MTHFD1L: variants seen among roughly 807,000 people sequenced by gnomAD.
MTHFD1L encodes monofunctional C1-tetrahydrofolate synthase, mitochondrial.
MTHFD1L carries 81 observed loss-of-function variants against 119.5 expected under a neutral mutation model. The ratio of observed to expected loss-of-function variants is 0.68; its 90% confidence interval spans 0.57 to 0.82. MTHFD1L has a LOEUF of 0.82. Ranked by LOEUF, MTHFD1L falls within the 40% of genes least tolerant of loss-of-function variation. The pLI, the probability that MTHFD1L is intolerant of heterozygous loss-of-function variation, is 0.00. For synonymous variants in MTHFD1L, 430 were observed against 475.2 expected (o/e 0.90, Z 1.24); for missense variants, 1,125 against 1,253.4 (o/e 0.90, Z 1.55).
intron 20 of MTHFD1L, among the ~76,000 whole-genome samples, chr6:151,002,986 G>A (rs1014767994): frequency 6.6e-6 from 1 of 152,140 alleles, no homozygotes; most frequent in Admixed American, 6.6e-5. Context: ...ATGTCTCCAG[G>A]CATTGCTAAG....
intron 12 of MTHFD1L, among the ~76,000 whole-genome samples, chr6:150,937,266 G>A (rs1050127878): frequency 6.6e-6 from 1 of 152,136 alleles, no homozygotes; most frequent in African/African-American, 2.4e-5. Flanking sequence ...CCATATCGGT[G>A]TTTGATCATC....
At chr6:151,051,580 T>G (rs1421038244) in intron 26 of MTHFD1L, among the ~76,000 whole-genome samples, 1 of 152,166 alleles carries the variant, frequency 6.6e-6, no homozygotes, top group Non-Finnish European at 1.5e-5. Context: ...TCAGTCGGCA[T>G]GTACTCACAG....
chr6:150,993,251 C>G (rs896978619), intron 20 of MTHFD1L, among the ~76,000 whole-genome samples: 1 of 151,992 alleles, frequency 6.6e-6, no homozygotes, highest in Non-Finnish European at 1.5e-5. Context: ...TCCAAAAAAC[C>G]ATTTCTTCAT....
chr6:151,092,168 AT>A (rs1314369738), intron 26 of MTHFD1L, among the ~76,000 whole-genome samples: 1 of 152,116 alleles, frequency 6.6e-6, no homozygotes, highest in Non-Finnish European at 1.5e-5. Context: ...CAGCATGAAG[AT>A]TTTATTGAGA....
At chr6:150,968,462 A>G (rs998548308) in intron 19 of MTHFD1L, among the ~76,000 whole-genome samples, 1 of 152,236 alleles carries the variant, frequency 6.6e-6, no homozygotes, top group Admixed American at 6.5e-5. Flanking sequence ...ATGAATACTT[A>G]TTATTAGGGA....
intron 20 of MTHFD1L, among the ~76,000 whole-genome samples, chr6:150,974,724 CT>C (rs58490721): frequency 0.076 from 10,928 of 144,068 alleles, 237 homozygotes; most frequent in Non-Finnish European, 0.11. Flanking sequence ...AATTCTCTTC[CT>C]TTTTTTTTTT....
At chr6:151,037,288 T>G (rs1440816427) in intron 26 of MTHFD1L, among the ~76,000 whole-genome samples, 171 bp downstream of exon 26, 1 of 152,224 alleles carries the variant, frequency 6.6e-6, no homozygotes, top group African/African-American at 2.4e-5. Context: ...ACTTTTGCCA[T>G]TGTGGTTTGG....
chr6:150,887,540 C>CT, intron 6 of MTHFD1L, among the ~76,000 whole-genome samples: 1 of 152,196 alleles, frequency 6.6e-6, no homozygotes, highest in Non-Finnish European at 1.5e-5. Flanking sequence ...ACTGCAACCT[C>CT]TGCCTCCCAG....
At chr6:151,017,836 T>C (rs967732914) in intron 24 of MTHFD1L, among the ~76,000 whole-genome samples, 9 of 145,050 alleles carry the variant, frequency 6.2e-5, no homozygotes, top group Non-Finnish European at 9.0e-5. Context: ...TTTTCTTTTT[T>C]TTTTTTTTTT....
chr6:150,892,639 G>A (rs1392438707), intron 7 of MTHFD1L, among the ~76,000 whole-genome samples: 2 of 152,038 alleles, frequency 1.3e-5, no homozygotes, highest in East Asian at 3.8e-4. Context: ...CCCTCTACCT[G>A]GCCTACCTAC....
chr6:150,914,448 A>G (rs1265378913), intron 8 of MTHFD1L, among the ~76,000 whole-genome samples: 1 of 152,230 alleles, frequency 6.6e-6, no homozygotes, highest in Non-Finnish European at 1.5e-5. Context: ...GCCTGAGTCC[A>G]GGAGCTCAAG....
At chr6:150,972,602 C>T (rs1304200000) in intron 20 of MTHFD1L, among the ~76,000 whole-genome samples, 1 of 152,172 alleles carries the variant, frequency 6.6e-6, no homozygotes. Flanking sequence ...CATAGAAGAC[C>T]CTGCCTCTGT....
At chr6:151,017,830 C>CTTTTTTTTTTTTTTTTT (rs895364993) in intron 24 of MTHFD1L, among the ~76,000 whole-genome samples, 1 of 99,012 alleles carries the variant, frequency 1.0e-5, no homozygotes, top group African/African-American at 4.1e-5. Context: ...ACCGTGTTTT[C>CTTTTTTTTTTTTTTTTT]TTTTTTTTTT....
At chr6:150,963,816 T>C (rs979869777) in intron 18 of MTHFD1L, among the ~76,000 whole-genome samples, 2 of 152,220 alleles carry the variant, frequency 1.3e-5, no homozygotes, top group Admixed American at 6.5e-5. Flanking sequence ...ATAACTAATA[T>C]GTTGAAAACA....
intron 26 of MTHFD1L, among the ~76,000 whole-genome samples, chr6:151,086,309 C>T (rs778853164): frequency 7.9e-5 from 12 of 152,098 alleles, no homozygotes; most frequent in Admixed American, 1.3e-4. Context: ...TCTCCTTTCC[C>T]CTCGGTCACT....
intron 11 of MTHFD1L, among the ~76,000 whole-genome samples, chr6:150,933,096 G>T (rs1791442179): frequency 6.6e-6 from 1 of 152,032 alleles, no homozygotes. Flanking sequence ...CCTACTTTGT[G>T]ATTTTCCCGA....
At chr6:150,875,204 T>C (rs1316627181) in intron 1 of MTHFD1L, among the ~76,000 whole-genome samples, 2 of 152,076 alleles carry the variant, frequency 1.3e-5, no homozygotes, top group African/African-American at 4.8e-5. Flanking sequence ...TACAGTCACG[T>C]GCCATCACGC....
At chr6:150,937,737 C>A (rs4869956) in intron 12 of MTHFD1L, among the ~76,000 whole-genome samples, 1 of 152,020 alleles carries the variant, frequency 6.6e-6, no homozygotes, top group Non-Finnish European at 1.5e-5. Context: ...CACAACCTCT[C>A]GGAGCCGCAT....
intron 21 of MTHFD1L, 109 bp from the exon 22 acceptor site, chr6:151,013,670 T>C (rs955911573): frequency 4.9e-6 from 5 of 1,016,840 alleles, no homozygotes; most frequent in African/African-American, 1.6e-5. Context: ...GCACAAAACA[T>C]AGAGGTACAT....
Sources: gnomAD v4.1 joint callset for allele counts (sites outside exome capture counted in the v4.1 genomes callset) on GRCh38, gnomAD v4.1.1 for gene constraint, MANE v1.5 for transcripts, NCBI Gene and HGNC (gene_info 2026-07-23, HGNC 2026-07-21) for gene names.